CPE: variants seen among roughly 807,000 people sequenced by gnomAD.
CPE encodes the protein carboxypeptidase E.
Under a neutral mutation model 53.5 loss-of-function variants are expected in CPE, and 17 were observed. The ratio of observed to expected loss-of-function variants is 0.32; its 90% CI spans 0.22 to 0.48. CPE has a LOEUF of 0.48. CPE is among the 20% of genes least tolerant of loss of function. The pLI is 0.99. For missense variants in CPE, 524 were observed against 614.7 expected, an observed-to-expected ratio of 0.85 and a Z score of 1.56; for synonymous variants, 226 against 228.8, an observed-to-expected ratio of 0.99 and a Z score of 0.11.
intron 1 of CPE, among the ~76,000 whole-genome samples, chr4:165,458,404 T>C (rs1731938555): frequency 6.6e-6 from 1 of 152,220 alleles, no homozygotes; most frequent in Non-Finnish European, 1.5e-5. Context: ...CCAAGAATTA[T>C]GTAATCAGTG....
intron 5 of CPE, among the ~76,000 whole-genome samples, chr4:165,485,261 G>A (rs912516539): frequency 4.6e-5 from 7 of 152,060 alleles, no homozygotes; most frequent in African/African-American, 9.7e-5. Flanking sequence ...AACACTCAAG[G>A]ATGAAGAGTG....
intron 1 of CPE, among the ~76,000 whole-genome samples, chr4:165,463,803 A>C (rs1158124321): frequency 6.6e-6 from 1 of 152,250 alleles, no homozygotes; most frequent in African/African-American, 2.4e-5. Flanking sequence ...GTGTGTTATT[A>C]TTATTAGTTA....
Position 165,379,640 on chromosome 4 carries a change from G to A in CPE, c.307+112G>A. The stretch of plus-strand genomic sequence containing the variant: ...AGGGATGGGCCCAGGGGTGCCTCTT[G>A]GTAAAAGGTATCTAAGGTGGAAGGT... On this transcript the variant is annotated intron_variant, in intron 1 of 8. Transcript: ENST00000402744. The surrounding 1 kb of genome is among the most constrained non-coding windows in gnomAD (Gnocchi z 6.0). The A allele has an allele frequency of 9.6e-7, 1 of 1,045,746 alleles. No homozygotes were observed. The highest frequency in any genetic ancestry group is 1.3e-6 in the Non-Finnish European group (1 of 762,492). The allele number at this position is 1,045,746 out of a possible 1,614,324, so 64.8% of individuals were successfully genotyped here.
chr4:165,406,476 A>T (rs184249280), intron 1 of CPE: 234 of 257,974 alleles, frequency 9.1e-4, no homozygotes, highest in Non-Finnish European at 1.5e-3. Flanking sequence ...TTTTTCCCTC[A>T]GATTTCAGAA....
intron 5 of CPE, 36 bp from the exon 6 acceptor site, chr4:165,487,402 G>C: frequency 6.2e-7 from 1 of 1,611,824 alleles, no homozygotes; most frequent in Non-Finnish European, 8.5e-7. Context: ...TAGGCTCCTT[G>C]TGCATATTTT....
rs148637074 is a variant in CPE at position 165,466,550 on chromosome 4, C to G, written c.505-1138C>G. 4.4e-3 allele frequency among the ~76,000 whole-genome samples: 667 copies of G among 152,062 alleles called. 5 individuals are homozygous for G. Among genetic ancestry groups the G allele is most frequent in the African/African-American group, 0.015 (612 of 41,468 alleles). ...CTTTTTTTTTTGAGATGGAGTCTCACTCTGTCACCAGGATGGAGTGCAATG... is the reference window on the plus strand; with the variant it reads ...CTTTTTTTTTTGAGATGGAGTCTCAGTCTGTCACCAGGATGGAGTGCAATG... On this transcript the variant is annotated intron_variant, in intron 2 of 8. Coordinates refer to ENST00000402744, the MANE Select transcript of CPE (RefSeq NM_001873.4).
intron 1 of CPE, among the ~76,000 whole-genome samples, chr4:165,383,791 T>C (rs1730541774): frequency 6.6e-6 from 1 of 152,228 alleles, no homozygotes; most frequent in South Asian, 2.1e-4. Context: ...TATGTGTTAG[T>C]GGCAAATGGT....
chr4:165,470,946 T>G (rs1417560976), intron 3 of CPE, among the ~76,000 whole-genome samples: 1 of 152,116 alleles, frequency 6.6e-6, no homozygotes, highest in Non-Finnish European at 1.5e-5. Flanking sequence ...CATGTCTTGT[T>G]GATGGGAAGT....
intron 1 of CPE, among the ~76,000 whole-genome samples, chr4:165,394,047 A>T (rs1253319318): frequency 6.6e-6 from 1 of 152,072 alleles, no homozygotes; most frequent in Non-Finnish European, 1.5e-5. Flanking sequence ...GTATGTAGAG[A>T]GTCAGAGGGT....
intron 1 of CPE, among the ~76,000 whole-genome samples, chr4:165,410,122 G>T (rs995364198): frequency 1.3e-5 from 2 of 151,764 alleles, no homozygotes; most frequent in African/African-American, 2.4e-5. Flanking sequence ...GGTGGTGGGC[G>T]CCTGTAGTCC....
At position 165,430,759 on chromosome 4, in the gene CPE, A is replaced by G; in HGVS notation, c.308-33631A>G. 1.3e-5 allele frequency among the ~76,000 whole-genome samples: 2 copies of G among 152,222 alleles called. 1 individual carries two copies. The highest frequency in any genetic ancestry group is 2.9e-5 in the Non-Finnish European group (2 of 68,042). ...AAGAGAGTGAAATTTAGGGTGACAA[A>G]GCTGTACTTCAGGAAAAGAAAAAAA... On this transcript the variant is annotated intron_variant, in intron 1 of 8. Transcript: ENST00000402744.
At chr4:165,410,977 T>C (rs1579249199) in intron 1 of CPE, among the ~76,000 whole-genome samples, 1 of 152,122 alleles carries the variant, frequency 6.6e-6, no homozygotes, top group African/African-American at 2.4e-5. Flanking sequence ...TATTAGTAGA[T>C]AAATCGAAGA....
intron 1 of CPE, among the ~76,000 whole-genome samples, chr4:165,441,111 T>C (rs1731602493): frequency 6.6e-6 from 1 of 152,056 alleles, no homozygotes; most frequent in South Asian, 2.1e-4. Context: ...TCCCAGGGGG[T>C]GACCACATGT....
chr4:165,482,203 T>A, intron 3 of CPE, 39 bp from the exon 4 acceptor site: 1 of 1,338,494 alleles, frequency 7.5e-7, no homozygotes. Flanking sequence ...TACCAATGAT[T>A]ATTAAATTTA....
intron 1 of CPE, among the ~76,000 whole-genome samples, chr4:165,434,962 C>T (rs1051444777): frequency 1.3e-5 from 2 of 152,144 alleles, no homozygotes; most frequent in African/African-American, 2.4e-5. Flanking sequence ...AAGCCTGGCA[C>T]CTCCCTTCTT....
intron 1 of CPE, among the ~76,000 whole-genome samples, chr4:165,397,880 GA>G (rs75524593): frequency 5.3e-4 from 73 of 137,726 alleles, no homozygotes; most frequent in African/African-American, 4.8e-4. Flanking sequence ...GTCTCTACCA[GA>G]AAAAAAAAAA....
chr4:165,438,129 T>C (rs1731542842), intron 1 of CPE, among the ~76,000 whole-genome samples: 1 of 152,142 alleles, frequency 6.6e-6, no homozygotes, highest in African/African-American at 2.4e-5. Flanking sequence ...AAAATCACTC[T>C]GGCGATTGTG....
Position 165,405,616 on chromosome 4 carries a change from T to C in CPE, c.307+26088T>C. On this transcript the variant is annotated intron_variant, in intron 1 of 8. Transcript: ENST00000402744. ...TCTTTGGAGAGATCTTCTTATCAGC[T>C]AGTCCTTTGGGAAAGTAATTGCAAC... is the stretch of plus-strand genomic sequence containing the variant. 3 of 788,350 alleles carry C rather than the reference T, an allele frequency of 3.8e-6. No individual in the cohort carries two copies. In the South Asian group the frequency reaches 4.0e-5, roughly 11 times the overall value. The allele number at this position is 788,350 out of a possible 1,614,324, so 48.8% of individuals were successfully genotyped here.
intron 6 of CPE, among the ~76,000 whole-genome samples, chr4:165,489,697 AT>A (rs1388592640): frequency 6.6e-6 from 1 of 152,232 alleles, no homozygotes; most frequent in Admixed American, 6.5e-5. Flanking sequence ...GAGAAAAAAA[AT>A]AATACAAAAC....
Sources: allele counts gnomAD v4.1 joint callset (sites outside exome capture counted in the v4.1 genomes callset), GRCh38; gene constraint gnomAD v4.1.1; non-coding constraint Gnocchi (gnomAD v3.1); transcripts MANE v1.5; gene names NCBI Gene and HGNC (gene_info 2026-07-23, HGNC 2026-07-21).